ADAMTSL1: variants seen among roughly 807,000 people sequenced by gnomAD.
ADAMTSL1 encodes the protein ADAMTS like 1, also known as ADAMTS-like protein 1.
Under a neutral mutation model 201.8 loss-of-function variants are expected in ADAMTSL1, and 126 were observed. The ratio of observed to expected loss-of-function variants is 0.62; its 90% CI spans 0.54 to 0.72. The LOEUF (loss-of-function observed/expected upper bound fraction) is 0.72. Among genes scored for constraint, ADAMTSL1 ranks in the 30% least tolerant of loss-of-function variants. The pLI is 0.00. For missense variants in ADAMTSL1, 2,679 were observed against 2,277.8 expected (o/e 1.18, Z -3.59); for synonymous variants, 1,121 against 903.4 (o/e 1.24, Z -4.32).
chr9:18,644,442 T>C (rs1827653032), intron 7 of ADAMTSL1, among the ~76,000 whole-genome samples: 1 of 152,076 alleles, frequency 6.6e-6, no homozygotes, highest in Non-Finnish European at 1.5e-5. Context: ...AATGTGCAGG[T>C]TAGTTACATA....
At chr9:18,847,129 G>A (rs1161896015) in intron 23 of ADAMTSL1, among the ~76,000 whole-genome samples, 3 of 152,194 alleles carry the variant, frequency 2.0e-5, no homozygotes, top group Admixed American at 2.0e-4. Flanking sequence ...TTTTTGAACA[G>A]CTCAGAAGTG....
At chr9:18,537,543 A>G (rs1010413631) in intron 3 of ADAMTSL1, among the ~76,000 whole-genome samples, 6 of 152,178 alleles carry the variant, frequency 3.9e-5, no homozygotes, top group African/African-American at 1.4e-4. Context: ...AGGACACTGT[A>G]AAGTACTTAC....
At chr9:18,728,496 C>T (rs1218559148) in intron 15 of ADAMTSL1, among the ~76,000 whole-genome samples, 1 of 152,148 alleles carries the variant, frequency 6.6e-6, no homozygotes, top group Admixed American at 6.5e-5. Flanking sequence ...TAACAAGCAT[C>T]TTTGTGTCTG....
At position 18,523,268 on chromosome 9, in the gene ADAMTSL1, T is replaced by G. The variant is rs200546227; in HGVS notation, c.192-9979T>G. Among the ~76,000 whole-genome samples, 17 of 152,146 alleles carry G rather than the reference T, an allele frequency of 1.1e-4. No individual in the cohort carries two copies. The East Asian group carries it at 2.3e-3, about 21-fold the overall frequency. On this transcript the variant is annotated intron_variant, in intron 2 of 28. Coordinates refer to ENST00000380548, the MANE Select transcript of ADAMTSL1 (RefSeq NM_001040272.6). Reference sequence around the variant, plus strand: ...TGAGAAGTGTCTGTTCATATCCTTTTCCCACTTTTTGATGGGGTTTTTTGT... The same window carrying G: ...TGAGAAGTGTCTGTTCATATCCTTTGCCCACTTTTTGATGGGGTTTTTTGT...
At chr9:18,387,363 G>A (rs1329719) in intron 2 of ADAMTSL1, among the ~76,000 whole-genome samples, 97,181 of 151,586 alleles carry the variant, frequency 0.64, 31,408 homozygotes, top group East Asian at 0.88. Flanking sequence ...ATACAGCCTT[G>A]CTATATTTCA....
intron 2 of ADAMTSL1, among the ~76,000 whole-genome samples, chr9:18,398,480 C>T (rs1798574303): frequency 6.6e-6 from 1 of 152,166 alleles, no homozygotes; most frequent in African/African-American, 2.4e-5. Context: ...ATTCTATCCA[C>T]TCTGTTCCCT....
intron 2 of ADAMTSL1, among the ~76,000 whole-genome samples, chr9:18,174,707 A>G (rs1242188189): frequency 6.6e-6 from 1 of 152,128 alleles, no homozygotes; most frequent in Non-Finnish European, 1.5e-5. Flanking sequence ...CTGAAGTAAA[A>G]CACTAACAAG....
intron 20 of ADAMTSL1, among the ~76,000 whole-genome samples, chr9:18,799,669 GGA>G (rs1251340792): frequency 2.0e-5 from 3 of 152,166 alleles, no homozygotes. Flanking sequence ...TTCATTGAAA[GGA>G]GAGAACACAG....
Position 18,409,504 on chromosome 9 carries a change from C to CATTT in ADAMTSL1, c.208-95324_208-95321dup, listed in dbSNP as rs919131195. 1.4e-4 allele frequency among the ~76,000 whole-genome samples: 21 copies of CATTT among 151,578 alleles called. 1 individual carries two copies. Among genetic ancestry groups the CATTT allele is most frequent in the African/African-American group, 4.8e-4 (20 of 41,372 alleles). ...AACTGACATTCTAATCATATACTTCCATTTGCATGCCATGCAGTCATTAAA... is the reference window on the plus strand; with the variant it reads ...AACTGACATTCTAATCATATACTTCCATTTATTTGCATGCCATGCAGTCATTAAA... On this transcript the variant is annotated intron_variant, in intron 2 of 29. Transcript: ENST00000680146.
rs1587366695 is a variant in ADAMTSL1 at position 18,493,307 on chromosome 9, T to C, written c.64-11522T>C. 3.3e-5 allele frequency among the ~76,000 whole-genome samples: 5 copies of C among 152,374 alleles called. No homozygotes were observed. The South Asian group carries it at 6.2e-4, about 19-fold the overall frequency. ...TCTGTGATCTATGGTTATCTATGTA[T>C]TGTACTAATTTTTACACTCATTAAA... is the stretch of plus-strand genomic sequence containing the variant. On this transcript the variant is annotated intron_variant, in intron 1 of 28. Transcript: ENST00000380548.
chr9:18,541,970 T>C lies in ADAMTSL1; in HGVS notation c.237+8678T>C, dbSNP rs551951349. On this transcript the variant is annotated intron_variant, in intron 3 of 28. Coordinates refer to ENST00000380548, the MANE Select transcript of ADAMTSL1 (RefSeq NM_001040272.6). ...TGTGGAGTAATAACCTATAGTATGATCTCAGTTTTTAATAATCCCCAGAAT... is the reference window on the plus strand; with the variant it reads ...TGTGGAGTAATAACCTATAGTATGACCTCAGTTTTTAATAATCCCCAGAAT... 2.6e-5 allele frequency among the ~76,000 whole-genome samples: 4 copies of C among 152,318 alleles called. No homozygotes were observed. The South Asian group carries it at 8.3e-4, about 32-fold the overall frequency.
At chr9:18,178,489 A>C (rs918833469) in intron 2 of ADAMTSL1, among the ~76,000 whole-genome samples, 1 of 152,110 alleles carries the variant, frequency 6.6e-6, no homozygotes, top group Non-Finnish European at 1.5e-5. Context: ...TAGGTGAACA[A>C]AGCAGCCGGG....
At chr9:18,314,690 C>T (rs561918708) in intron 2 of ADAMTSL1, among the ~76,000 whole-genome samples, 1 of 149,682 alleles carries the variant, frequency 6.7e-6, no homozygotes, top group South Asian at 2.1e-4. Context: ...GAGTGAGCAG[C>T]AGCAAGGTTT....
At chr9:18,481,232 G>A (rs1205051868) in intron 1 of ADAMTSL1, among the ~76,000 whole-genome samples, 2 of 152,162 alleles carry the variant, frequency 1.3e-5, no homozygotes, top group African/African-American at 2.4e-5. Flanking sequence ...TCTTGGAGGT[G>A]TCTGAGTGCC....
chr9:17,956,468 T>G (rs1231492179), intron 1 of ADAMTSL1, among the ~76,000 whole-genome samples: 2 of 152,150 alleles, frequency 1.3e-5, no homozygotes, highest in Non-Finnish European at 2.9e-5. Flanking sequence ...CCATTTGATT[T>G]GATCAAATAA....
At chr9:17,963,169 T>G (rs1250150701) in intron 1 of ADAMTSL1, among the ~76,000 whole-genome samples, 1 of 152,244 alleles carries the variant, frequency 6.6e-6, no homozygotes, top group East Asian at 1.9e-4. Flanking sequence ...GGCTGAAGTT[T>G]CTTTCATTTT....
intron 5 of ADAMTSL1, among the ~76,000 whole-genome samples, chr9:18,627,916 T>C (rs1826495666): frequency 6.6e-6 from 1 of 152,208 alleles, no homozygotes; most frequent in South Asian, 2.1e-4. Flanking sequence ...TCAGTTCAAG[T>C]CTGTTGCTCA....
chr9:17,993,461 T>C (rs1054152130), intron 1 of ADAMTSL1, among the ~76,000 whole-genome samples: 1 of 84,106 alleles, frequency 1.2e-5, no homozygotes, highest in African/African-American at 1.0e-4. Context: ...TGTCGTAGTT[T>C]ACAGTTCTAT....
At chr9:18,533,535 C>T (rs1256852021) in intron 3 of ADAMTSL1, among the ~76,000 whole-genome samples, 2 of 152,150 alleles carry the variant, frequency 1.3e-5, no homozygotes, top group African/African-American at 2.4e-5. Context: ...TACATTTCCT[C>T]CCTACTTTCT....
Sources: gnomAD v4.1 joint callset for allele counts (sites outside exome capture counted in the v4.1 genomes callset) on GRCh38, gnomAD v4.1.1 for gene constraint, MANE v1.5 for transcripts, NCBI Gene and HGNC (gene_info 2026-07-23, HGNC 2026-07-21) for gene names.